Variants in ARL15 observed in about 807,000 individuals in gnomAD.
ARL15 encodes the protein ARF like GTPase 15, also known as ADP-ribosylation factor-like protein 15.
ARL15 carries 19 observed loss-of-function variants against 25.2 expected under a neutral mutation model. The observed-to-expected ratio is 0.75, with a 90% CI of 0.53 to 1.10. The LOEUF (loss-of-function observed/expected upper bound fraction) is 1.10, where lower values mean the gene tolerates loss of function less well. ARL15 is among the 50% of genes least tolerant of loss of function. The pLI, the probability that ARL15 is intolerant of heterozygous loss-of-function variation, is 0.00. For missense variants in ARL15, 220 were observed against 246.0 expected, an observed-to-expected ratio of 0.89 and a Z score of 0.71; for synonymous variants, 94 against 86.8, an observed-to-expected ratio of 1.08 and a Z score of -0.46.
chr5:54,115,824 T>C (rs556740804), intron 3 of ARL15, among the ~76,000 whole-genome samples: 5 of 152,192 alleles, frequency 3.3e-5, no homozygotes, highest in African/African-American at 7.2e-5. Flanking sequence ...TTATTTAATA[T>C]AGGGAATTCA....
intron 1 of ARL15, among the ~76,000 whole-genome samples, chr5:54,218,258 GT>G (rs906415020): frequency 1.3e-5 from 2 of 151,994 alleles, no homozygotes; most frequent in African/African-American, 2.4e-5. Flanking sequence ...AAAGAGCATG[GT>G]TTTTTTAAAA....
chr5:54,246,937 G>A (rs956990246), intron 1 of ARL15, among the ~76,000 whole-genome samples: 20 of 152,000 alleles, frequency 1.3e-4, no homozygotes, highest in Non-Finnish European at 2.2e-4. Flanking sequence ...AAAAGCCCAG[G>A]ATGGTCGGGG....
intron 4 of ARL15, among the ~76,000 whole-genome samples, chr5:53,935,905 C>T (rs1021704169): frequency 3.3e-5 from 5 of 152,082 alleles, no homozygotes; most frequent in African/African-American, 1.2e-4. Context: ...TGCATCACCA[C>T]ACCCAGCTAA....
At chr5:53,912,459 G>A (rs577985331) in intron 4 of ARL15, among the ~76,000 whole-genome samples, 3 of 152,164 alleles carry the variant, frequency 2.0e-5, no homozygotes, top group Non-Finnish European at 4.4e-5. Context: ...ATAGGGTTGG[G>A]ATGAGATTTG....
intron 1 of ARL15, among the ~76,000 whole-genome samples, chr5:54,267,827 C>A (rs962268041): frequency 1.3e-5 from 2 of 152,090 alleles, no homozygotes; most frequent in East Asian, 3.9e-4. Flanking sequence ...GAGTTTCTGC[C>A]GAGAGATCCG....
At chr5:54,293,141 T>C (rs1465678025) in intron 1 of ARL15, among the ~76,000 whole-genome samples, 1 of 152,198 alleles carries the variant, frequency 6.6e-6, no homozygotes, top group Non-Finnish European at 1.5e-5. Flanking sequence ...GAAGATCAGC[T>C]CAACATTGCA....
chr5:54,099,315 G>A (rs1403852166), intron 4 of ARL15, among the ~76,000 whole-genome samples: 1 of 152,056 alleles, frequency 6.6e-6, no homozygotes, highest in East Asian at 1.9e-4. Flanking sequence ...TTTCACAAGT[G>A]AAAATCACCA....
intron 1 of ARL15, among the ~76,000 whole-genome samples, chr5:54,231,124 ACAAAC>A (rs544425414): frequency 0.072 from 10,966 of 152,030 alleles, 527 homozygotes; most frequent in African/African-American, 0.13. Context: ...TGGATATCCC[ACAAAC>A]ACATTAAACT....
intron 4 of ARL15, among the ~76,000 whole-genome samples, chr5:54,051,484 T>C (rs1186986716): frequency 6.6e-6 from 1 of 152,188 alleles, no homozygotes; most frequent in Non-Finnish European, 1.5e-5. Flanking sequence ...TTGCAGAGCC[T>C]AAAAATAAAT....
At chr5:54,234,476 C>G (rs1357676460) in intron 1 of ARL15, among the ~76,000 whole-genome samples, 2 of 152,176 alleles carry the variant, frequency 1.3e-5, no homozygotes, top group Non-Finnish European at 2.9e-5. Flanking sequence ...CAGATCCCAT[C>G]TTGCCCATGA....
intron 1 of ARL15, among the ~76,000 whole-genome samples, chr5:54,226,254 G>C (rs71622105): frequency 0.2 from 30,464 of 152,202 alleles, 3,745 homozygotes; most frequent in Middle Eastern, 0.31. Flanking sequence ...AAAGCGGCAG[G>C]TGGAAAATGG....
At chr5:54,237,844 G>A (rs756168666) in intron 1 of ARL15, among the ~76,000 whole-genome samples, 1 of 152,078 alleles carries the variant, frequency 6.6e-6, no homozygotes, top group African/African-American at 2.4e-5. Context: ...CAAAAAGCGG[G>A]AAACAGATGG....
chr5:54,051,574 C>T (rs985102044), intron 4 of ARL15, among the ~76,000 whole-genome samples: 3 of 152,128 alleles, frequency 2.0e-5, no homozygotes, highest in Admixed American at 1.3e-4. Context: ...GTAAATGATG[C>T]TCAACGTCAT....
intron 1 of ARL15, among the ~76,000 whole-genome samples, chr5:54,302,014 T>C (rs1758627821): frequency 6.6e-6 from 1 of 152,202 alleles, no homozygotes; most frequent in African/African-American, 2.4e-5. Context: ...AACACCTACC[T>C]TTATGCACAC....
chr5:54,082,329 T>C (rs182264983), intron 4 of ARL15, among the ~76,000 whole-genome samples: 18 of 152,348 alleles, frequency 1.2e-4, no homozygotes, highest in African/African-American at 4.3e-4. Context: ...ATGAAAGTTC[T>C]AAAATATTTT....
intron 3 of ARL15, among the ~76,000 whole-genome samples, chr5:54,126,302 G>C (rs1753250094): frequency 6.6e-6 from 1 of 152,074 alleles, no homozygotes; most frequent in African/African-American, 2.4e-5. Context: ...TGTTCCCCAG[G>C]AATTTTAAAC....
rs1468481281 is a variant in ARL15, at chr5:54,113,256, G to A, written c.408C>T (p.Pro136=). ...CTTGATGATTGGCCAATATTAAAAA[G>A]GGTAAAGTGCATAACTGTGGATGCT... ...ALQHPQLCTL[P]FLILANHQDK... The change falls in exon 4 of 5, where the codon CCC becomes CCT. Residue 136 remains proline, a synonymous_variant. Transcript: ENST00000504924. 2 of 1,613,868 alleles carry A rather than the reference G, an allele frequency of 1.2e-6. No individual in the cohort carries two copies. The highest frequency in any genetic ancestry group is 1.1e-5 in the South Asian group (1 of 91,078).
At chr5:54,133,489 A>T (rs1380781142) in intron 3 of ARL15, among the ~76,000 whole-genome samples, 2 of 152,204 alleles carry the variant, frequency 1.3e-5, no homozygotes, top group Non-Finnish European at 2.9e-5. Context: ...TGATTTGTCC[A>T]GTCTTGGTAG....
chr5:54,103,705 C>T (rs1313717249), intron 4 of ARL15, among the ~76,000 whole-genome samples: 1 of 152,012 alleles, frequency 6.6e-6, no homozygotes, highest in African/African-American at 2.4e-5. Flanking sequence ...AAGGCACATG[C>T]AATTCATAGG....
Sources: gnomAD v4.1 joint callset for allele counts (sites outside exome capture counted in the v4.1 genomes callset) on GRCh38, gnomAD v4.1.1 for gene constraint, MANE v1.5 for transcripts, NCBI Gene and HGNC (gene_info 2026-07-23, HGNC 2026-07-21) for gene names.